The following MARCHF1 variants were observed in gnomAD, a reference collection of about 807,000 sequenced individuals.
The protein encoded by MARCHF1 is E3 ubiquitin-protein ligase MARCHF1.
In MARCHF1, 40 loss-of-function variants were observed where a neutral mutation model predicts 54.2. The ratio of observed to expected loss-of-function variants is 0.74; its 90% CI spans 0.57 to 0.96. The LOEUF (loss-of-function observed/expected upper bound fraction) is 0.96, where lower values mean the gene tolerates loss of function less well. MARCHF1 is among the 40% of genes least tolerant of loss of function. The pLI, the probability that MARCHF1 is intolerant of heterozygous loss-of-function variation, is 0.00. For missense variants in MARCHF1, 586 were observed against 656.5 expected, an observed-to-expected ratio of 0.89 and a Z score of 1.17; for synonymous variants, 236 against 236.3, an observed-to-expected ratio of 1.00 and a Z score of 0.01.
chr4:163,692,070 A>T (rs573472630), intron 5 of MARCHF1, among the ~76,000 whole-genome samples: 11 of 152,322 alleles, frequency 7.2e-5, no homozygotes, highest in African/African-American at 4.8e-5. Context: ...TATTGGTCAC[A>T]TGTTCACGGA....
intron 9 of MARCHF1, among the ~76,000 whole-genome samples, chr4:163,540,286 G>A (rs1738679964): frequency 6.6e-6 from 1 of 152,174 alleles, no homozygotes; most frequent in Non-Finnish European, 1.5e-5. Flanking sequence ...GTGGCTGTGT[G>A]TATTTACAGA....
At chr4:164,165,362 G>GTCTCTCTCTCTCTCTC (rs55721102) in intron 1 of MARCHF1, among the ~76,000 whole-genome samples, 3,323 of 148,728 alleles carry the variant, frequency 0.022, 120 homozygotes, top group African/African-American at 0.071. Flanking sequence ...TTTTCTCTCT[G>GTCTCTCTCTCTCTCTC]TCTCTCTCTC....
chr4:164,233,467 T>A (rs1385252032), intron 1 of MARCHF1, among the ~76,000 whole-genome samples: 2 of 152,170 alleles, frequency 1.3e-5, no homozygotes, highest in African/African-American at 4.8e-5. Flanking sequence ...CATGGCTGGC[T>A]GCTTGACTTT....
chr4:164,061,960 T>A (rs1293239634), intron 2 of MARCHF1, among the ~76,000 whole-genome samples: 1 of 152,190 alleles, frequency 6.6e-6, no homozygotes, highest in African/African-American at 2.4e-5. Flanking sequence ...TGACTCTTCC[T>A]TTCATGAAAG....
intron 1 of MARCHF1, among the ~76,000 whole-genome samples, chr4:164,235,317 TTAAA>T (rs1262127613): frequency 1.3e-5 from 2 of 152,122 alleles, no homozygotes; most frequent in African/African-American, 4.8e-5. Context: ...CTTTAGAATA[TTAAA>T]TGTTTTCTTC....
chr4:163,612,121 A>G, intron 7 of MARCHF1, 150 bp downstream of exon 7: 2 of 676,340 alleles, frequency 3.0e-6, no homozygotes, highest in East Asian at 3.0e-5. Flanking sequence ...TATTCTTTTC[A>G]TACCCACCTT....
chr4:164,274,196 G>C (rs528094927), intron 1 of MARCHF1, among the ~76,000 whole-genome samples: 1 of 152,274 alleles, frequency 6.6e-6, no homozygotes, highest in African/African-American at 2.4e-5. Context: ...TCTGCTCTAC[G>C]TAAAAGTTTT....
chr4:164,017,432 CACAG>C (rs1241088093), intron 2 of MARCHF1, among the ~76,000 whole-genome samples: 2 of 151,912 alleles, frequency 1.3e-5, no homozygotes, highest in Admixed American at 6.6e-5. Flanking sequence ...TAATGAACCT[CACAG>C]AAAGAAATTA....
chr4:163,724,839 T>G (rs1745601390), intron 4 of MARCHF1, among the ~76,000 whole-genome samples: 1 of 151,966 alleles, frequency 6.6e-6, no homozygotes, highest in Admixed American at 6.5e-5. Context: ...GGTGTGCCGT[T>G]TGCTAAGACC....
intron 5 of MARCHF1, among the ~76,000 whole-genome samples, chr4:163,687,661 T>C (rs1329971856): frequency 1.3e-5 from 2 of 152,186 alleles, no homozygotes; most frequent in African/African-American, 2.4e-5. Flanking sequence ...AAGTTATCTT[T>C]ATGGGTTTTA....
At chr4:163,847,580 T>TGC in intron 4 of MARCHF1, among the ~76,000 whole-genome samples, 1 of 51,728 alleles carries the variant, frequency 1.9e-5, no homozygotes, top group East Asian at 9.4e-4. Flanking sequence ...TTTTTTTTTT[T>TGC]TTTTTTTTTT....
chr4:164,309,643 T>A (rs1468739132), intron 1 of MARCHF1, among the ~76,000 whole-genome samples: 1 of 152,192 alleles, frequency 6.6e-6, no homozygotes, highest in East Asian at 1.9e-4. Flanking sequence ...CGCCTTTCTG[T>A]TTTCTTCTAT....
chr4:164,143,706 C>A (rs551750836), intron 1 of MARCHF1, among the ~76,000 whole-genome samples: 2 of 152,126 alleles, frequency 1.3e-5, no homozygotes, highest in Non-Finnish European at 2.9e-5. Context: ...CGATACCAGC[C>A]GCTGCAAAAT....
intron 2 of MARCHF1, among the ~76,000 whole-genome samples, chr4:164,068,778 C>G (rs534772991): frequency 2.1e-4 from 32 of 152,326 alleles, no homozygotes; most frequent in Non-Finnish European, 3.5e-4. Flanking sequence ...CCACCTGCGG[C>G]CCTGGTGAGG....
At position 163,695,813 on chromosome 4, in the gene MARCHF1, G is replaced by T. The variant is rs1744610725; in HGVS notation, c.162+5000C>A. ...TACACTGTTGCTAGTTAAATGTAAT[G>T]ATCCTTTACCCTAGAAGAAATAAAA... On this transcript the variant is annotated intron_variant, in intron 5 of 9. Coordinates refer to ENST00000514618, the MANE Select transcript of MARCHF1 (RefSeq NM_001394959.1). Among the ~76,000 whole-genome samples the T allele has an allele frequency of 3.3e-5, 5 of 152,248 alleles. No individual in the cohort carries two copies. In the South Asian group the frequency reaches 1.0e-3, roughly 32 times the overall value.
chr4:164,298,675 T>C (rs1404576160), intron 1 of MARCHF1, among the ~76,000 whole-genome samples: 1 of 152,142 alleles, frequency 6.6e-6, no homozygotes, highest in African/African-American at 2.4e-5. Context: ...AAGGTTTTCT[T>C]TTAGTATGAT....
chr4:163,831,414 T>C (rs1055498906), intron 4 of MARCHF1, among the ~76,000 whole-genome samples: 2 of 152,144 alleles, frequency 1.3e-5, no homozygotes, highest in African/African-American at 4.8e-5. Context: ...TGAGACCTTG[T>C]GTCTACAACA....
At chr4:163,916,128 A>C (rs898167331) in intron 3 of MARCHF1, among the ~76,000 whole-genome samples, 72 of 152,166 alleles carry the variant, frequency 4.7e-4, no homozygotes, top group African/African-American at 1.7e-3. Context: ...GCCAGTGATG[A>C]GGCAGGTTGA....
At chr4:164,155,698 A>C (rs1051894638) in intron 1 of MARCHF1, among the ~76,000 whole-genome samples, 3 of 152,292 alleles carry the variant, frequency 2.0e-5, no homozygotes, top group African/African-American at 7.2e-5. Flanking sequence ...ATGAGAAATT[A>C]CTTAATGGGT....
Sources: gnomAD v4.1 joint callset for allele counts (sites outside exome capture counted in the v4.1 genomes callset) on GRCh38, gnomAD v4.1.1 for gene constraint, MANE v1.5 for transcripts, NCBI Gene and HGNC (gene_info 2026-07-23, HGNC 2026-07-21) for gene names.